Variants in SESN1 observed in about 807,000 individuals in gnomAD.
SESN1 encodes the protein sestrin 1.
A neutral mutation model predicts 59.3 loss-of-function variants in SESN1; 30 were observed. The observed-to-expected ratio is 0.51, with a 90% CI of 0.38 to 0.69. SESN1 has a LOEUF of 0.69. SESN1 is among the 30% of genes least tolerant of loss of function. The pLI is 0.00. For missense variants in SESN1, 566 were observed against 673.0 expected (o/e 0.84, Z 1.76); for synonymous variants, 197 against 219.9 (o/e 0.90, Z 0.92).
At chr6:108,992,174 C>G (rs1030071549) in intron 7 of SESN1, among the ~76,000 whole-genome samples, 1 of 152,230 alleles carries the variant, frequency 6.6e-6, no homozygotes, top group Non-Finnish European at 1.5e-5. Flanking sequence ...TCACAACTCA[C>G]CGCAGCCTCA....
intron 1 of SESN1, chr6:109,008,978 A>G (rs1017948979): frequency 9.9e-7 from 1 of 1,008,738 alleles, no homozygotes; most frequent in Non-Finnish European, 1.2e-6. Context: ...GCATATCCAC[A>G]GGCTGTTTCA....
rs562602340 is a variant in SESN1, at chr6:109,005,113, C to T, written c.280-2770G>A. Reference sequence around the variant, plus strand: ...GTGCTCACATTTGTGAAATGCCATACGTAAAAGGATAACCACTGCAACATT... The same window carrying T: ...GTGCTCACATTTGTGAAATGCCATATGTAAAAGGATAACCACTGCAACATT... On this transcript the variant is annotated intron_variant, in intron 1 of 9. Transcript: ENST00000436639. Among the ~76,000 whole-genome samples, 23 of 152,186 alleles carry T rather than the reference C, an allele frequency of 1.5e-4. No individual in the cohort carries two copies. The South Asian group carries it at 3.7e-3, about 25-fold the overall frequency.
intron 1 of SESN1, among the ~76,000 whole-genome samples, chr6:109,078,062 T>C (rs1289052394): frequency 6.6e-6 from 1 of 152,168 alleles, no homozygotes; most frequent in Non-Finnish European, 1.5e-5. Context: ...CCCTCTTCTC[T>C]ATAATAATAA....
intron 9 of SESN1, 111 bp downstream of exon 9, chr6:108,988,432 T>C (rs1779261162): frequency 2.2e-6 from 2 of 921,150 alleles, no homozygotes; most frequent in Non-Finnish European, 3.1e-6. Context: ...GGAATGTTTT[T>C]CTTTGGGTTG....
chr6:109,013,329 C>G (rs778759207), intron 1 of SESN1, among the ~76,000 whole-genome samples: 1 of 151,958 alleles, frequency 6.6e-6, no homozygotes, highest in Non-Finnish European at 1.5e-5. Flanking sequence ...GGGCAGTCTT[C>G]GGAACAATGG....
rs537835422 is a variant in SESN1 at position 108,986,648 on chromosome 6, A to G, written c.*896T>C. 1 of 152,652 alleles carries G rather than the reference A, an allele frequency of 6.6e-6. No individual in the cohort carries two copies. The highest frequency in any genetic ancestry group is 2.1e-4 in the South Asian group (1 of 4,832). 9.5% of individuals were successfully genotyped at this position (152,652 alleles called of 1,614,324 possible). ...TTATTTAAGGAGCTGCACAGCCTTT[A>G]AAGTGGGGACCAGGAGGCAGGCAGA... On this transcript the variant is annotated 3_prime_UTR_variant, in exon 10 of 10. Transcript: ENST00000436639.
intron 2 of SESN1, among the ~76,000 whole-genome samples, chr6:109,001,698 A>G (rs910865065): frequency 6.6e-6 from 1 of 152,180 alleles, no homozygotes; most frequent in African/African-American, 2.4e-5. Context: ...ACAAAGGCTG[A>G]ACATTAAAGG....
At position 109,094,308 on chromosome 6, in the gene SESN1, A is replaced by G. The variant is rs980449272; in HGVS notation, c.-235T>C. ...GGCAGTCTTCTTTCTGGAAAAACAA[A>G]GTTTGAAAGTTGCAACCTTGCAGCG... On this transcript the variant is annotated 5_prime_UTR_variant, in exon 1 of 10. Coordinates refer to ENST00000436639, the MANE Select transcript of SESN1 (RefSeq NM_014454.3). 2 of 536,922 alleles carry G rather than the reference A, an allele frequency of 3.7e-6. No homozygotes were observed. Among genetic ancestry groups the G allele is most frequent in the African/African-American group, 1.9e-5 (1 of 52,192 alleles). The allele number at this position is 536,922 out of a possible 1,614,324, so 33.3% of individuals were successfully genotyped here. A position where few individuals can be genotyped will look rare whatever the true frequency, so the allele number is the denominator to read the frequency against.
intron 1 of SESN1, among the ~76,000 whole-genome samples, chr6:109,069,392 AC>A (rs1360703811): frequency 6.6e-6 from 1 of 152,158 alleles, no homozygotes; most frequent in Non-Finnish European, 1.5e-5. Context: ...CATTATAAAC[AC>A]CAGATGCTAG....
In SESN1 at chr6:109,067,010, T is replaced by C. The variant is rs555016112; in HGVS notation, c.279+26785A>G. ...GGTGCAATATTCGCAAAATCAATTA[T>C]GTTTCCTCAGACAGGCCTACTTTGA... is the stretch of plus-strand genomic sequence containing the variant. On this transcript the variant is annotated intron_variant, in intron 1 of 9. Coordinates refer to ENST00000436639, the MANE Select transcript of SESN1 (RefSeq NM_014454.3). Among the ~76,000 whole-genome samples the C allele has an allele frequency of 3.3e-5, 5 of 152,348 alleles. No homozygotes were observed. The South Asian group carries it at 6.2e-4, about 19-fold the overall frequency.
At chr6:109,046,173 C>T (rs1273473040) in intron 1 of SESN1, among the ~76,000 whole-genome samples, 8 of 151,176 alleles carry the variant, frequency 5.3e-5, no homozygotes, top group South Asian at 2.1e-4. Flanking sequence ...GCTGCCATCT[C>T]GGCTCACTGC....
chr6:109,078,168 T>C (rs1781061296), intron 1 of SESN1, among the ~76,000 whole-genome samples: 1 of 152,042 alleles, frequency 6.6e-6, no homozygotes, highest in Non-Finnish European at 1.5e-5. Context: ...TTTCAATAAT[T>C]ACAATAAGTT....
chr6:108,986,467 A>AAAAT lies in SESN1; in HGVS notation c.*1073_*1076dup, dbSNP rs1779195975. ...TTGGAGAAAAATTCTTCTTTATTTA[A>AAAAT]AAATACCAGTAATACTGACAGACTT... On this transcript the variant is annotated 3_prime_UTR_variant, in exon 10 of 10. Coordinates refer to ENST00000436639, the MANE Select transcript of SESN1 (RefSeq NM_014454.3). 6.5e-6 allele frequency: 1 copy of AAAAT among 152,688 alleles called. No homozygotes were observed. Among genetic ancestry groups the AAAAT allele is most frequent in the African/African-American group, 2.4e-5 (1 of 41,462 alleles). 9.5% of individuals were successfully genotyped at this position (152,688 alleles called of 1,614,324 possible).
intron 1 of SESN1, among the ~76,000 whole-genome samples, chr6:109,007,526 G>A (rs955806485): frequency 9.9e-5 from 15 of 152,142 alleles, no homozygotes; most frequent in Non-Finnish European, 1.3e-4. Context: ...AAATTCAAAA[G>A]CAGCATGTGT....
At chr6:108,991,084 A>AC (rs201051763) in intron 7 of SESN1, among the ~76,000 whole-genome samples, 20 of 151,786 alleles carry the variant, frequency 1.3e-4, no homozygotes, top group African/African-American at 4.1e-4. Context: ...AACAACAACA[A>AC]AAAAAAACTA....
At chr6:109,014,276 A>T (rs1218183892) in intron 1 of SESN1, among the ~76,000 whole-genome samples, 2 of 152,198 alleles carry the variant, frequency 1.3e-5, no homozygotes, top group Non-Finnish European at 2.9e-5. Context: ...TTCTAGGCTG[A>T]TAATAATAAG....
chr6:109,078,215 C>T (rs1781062409), intron 1 of SESN1, among the ~76,000 whole-genome samples: 1 of 151,954 alleles, frequency 6.6e-6, no homozygotes, highest in South Asian at 2.1e-4. Context: ...GACCCTGTCT[C>T]TACAAAAAAC....
chr6:108,984,981 C>T lies in SESN1; in HGVS notation c.*2563G>A, dbSNP rs1779145451. Among the ~76,000 whole-genome samples, 1 of 152,104 alleles carries T rather than the reference C, an allele frequency of 6.6e-6. No homozygotes were observed. Among genetic ancestry groups the T allele is most frequent in the Admixed American group, 6.6e-5 (1 of 15,262 alleles). On this transcript the variant is annotated 3_prime_UTR_variant, in exon 10 of 10. Coordinates refer to ENST00000436639, the MANE Select transcript of SESN1 (RefSeq NM_014454.3). ...CTCAGCGTCTCTGGGAGAATGAGGA[C>T]GTGGAGTTCCCAAGTCCATCATCTT...
intron 1 of SESN1, among the ~76,000 whole-genome samples, chr6:109,086,331 A>G (rs1781212996): frequency 6.6e-6 from 1 of 152,140 alleles, no homozygotes; most frequent in Non-Finnish European, 1.5e-5. Flanking sequence ...CAGCCTGGGC[A>G]ACAGAGTGAG....
Sources: gnomAD v4.1 joint callset for allele counts (sites outside exome capture counted in the v4.1 genomes callset) on GRCh38, gnomAD v4.1.1 for gene constraint, MANE v1.5 for transcripts, NCBI Gene and HGNC (gene_info 2026-07-23, HGNC 2026-07-21) for gene names.